B3GAT2: variants seen among roughly 807,000 people sequenced by gnomAD.
B3GAT2 encodes the protein beta-1,3-glucuronyltransferase 2.
A neutral mutation model predicts 27.8 loss-of-function variants in B3GAT2; 26 were observed. The ratio of observed to expected loss-of-function variants is 0.93; its 90% confidence interval spans 0.68 to 1.30. The LOEUF (loss-of-function observed/expected upper bound fraction) is 1.30. Ranked by LOEUF, B3GAT2 falls within the 50% of genes most tolerant of loss-of-function variation. The probability of loss-of-function intolerance (pLI) is 0.00; values close to 1 mark genes in which losing one functional copy is unlikely to be tolerated. For synonymous variants in B3GAT2, 218 were observed against 195.1 expected (o/e 1.12, Z -0.98); for missense variants, 458 against 459.0 (o/e 1.00, Z 0.02).
At position 70,956,733 on chromosome 6, in the gene B3GAT2, G is replaced by C. The variant is rs1215832901; in HGVS notation, c.-304C>G. ...GCCGCGCGCCGCCGGTCCCGGAGTT[G>C]TGCCGAGTGCGGGAAAGGCGCTGAT... On this transcript the variant is annotated 5_prime_UTR_variant, in exon 1 of 4. Coordinates refer to ENST00000230053, the MANE Select transcript of B3GAT2 (RefSeq NM_080742.3). The C allele has an allele frequency of 7.7e-7, 1 of 1,299,162 alleles. No homozygotes were observed. The highest frequency in any genetic ancestry group is 1.6e-5 in the African/African-American group (1 of 63,422). 80.5% of individuals were successfully genotyped at this position (1,299,162 alleles called of 1,614,324 possible).
intron 1 of B3GAT2, among the ~76,000 whole-genome samples, chr6:70,946,673 G>A (rs1010687730): frequency 7.2e-5 from 11 of 152,052 alleles, no homozygotes; most frequent in African/African-American, 1.7e-4. Context: ...ACAGATCAAC[G>A]AGACAGAAAG....
chr6:70,952,477 AAT>A (rs1229209183), intron 1 of B3GAT2, among the ~76,000 whole-genome samples: 1 of 151,990 alleles, frequency 6.6e-6, no homozygotes, highest in Non-Finnish European at 1.5e-5. Context: ...AAATCTGATC[AAT>A]AGTGTTATTG....
chr6:70,868,581 T>A (rs1771887884), intron 2 of B3GAT2, among the ~76,000 whole-genome samples: 1 of 152,180 alleles, frequency 6.6e-6, no homozygotes, highest in Non-Finnish European at 1.5e-5. Flanking sequence ...AACAAGACTT[T>A]TATAGTTTGG....
chr6:70,909,051 C>T (rs1046521933), intron 1 of B3GAT2, among the ~76,000 whole-genome samples: 11 of 152,222 alleles, frequency 7.2e-5, no homozygotes, highest in African/African-American at 2.6e-4. Flanking sequence ...GTTAACATGA[C>T]CAACCATTAC....
intron 1 of B3GAT2, among the ~76,000 whole-genome samples, chr6:70,904,093 T>G (rs1772556170): frequency 6.6e-6 from 1 of 152,324 alleles, no homozygotes; most frequent in Non-Finnish European, 1.5e-5. Context: ...CATAATACCA[T>G]GTACCAATTT....
Position 70,956,003 on chromosome 6 carries a change from G to A in B3GAT2, c.427C>T (p.Pro143Ser), listed in dbSNP as rs764968027. 1 of 1,463,938 alleles carries A rather than the reference G, an allele frequency of 6.8e-7. No individual in the cohort carries two copies. The highest frequency in any genetic ancestry group is 2.7e-5 in the East Asian group (1 of 36,434). The allele number at this position is 1,463,938 out of a possible 1,614,324, so 90.7% of individuals were successfully genotyped here. Residue 143 changes from proline (P) to serine (S), a missense_variant, in exon 1 of 4, where the codon CCC becomes TCC. Coordinates refer to ENST00000230053, the MANE Select transcript of B3GAT2 (RefSeq NM_080742.3). ...AGLPSTHLHV[P>S]TPRRYKRPGL... is the part of the protein sequence containing the mutation. ...GGCCGCTTGTAGCGCCGCGGCGTGG[G>A]CACGTGCAGGTGAGTGCTGGGCAGC...
intron 2 of B3GAT2, among the ~76,000 whole-genome samples, chr6:70,880,291 G>A (rs1772081517): frequency 6.6e-6 from 1 of 152,136 alleles, no homozygotes; most frequent in South Asian, 2.1e-4. Context: ...TGTCCTAGGT[G>A]CTCTGTCTGT....
chr6:70,881,787 G>A (rs1029397071), intron 2 of B3GAT2, among the ~76,000 whole-genome samples: 2 of 152,036 alleles, frequency 1.3e-5, no homozygotes, highest in African/African-American at 4.8e-5. Flanking sequence ...TGAGAATAGG[G>A]GTGTCCAGGG....
chr6:70,953,588 T>G (rs567292082), intron 1 of B3GAT2, among the ~76,000 whole-genome samples: 1 of 152,218 alleles, frequency 6.6e-6, no homozygotes, highest in East Asian at 1.9e-4. Flanking sequence ...CTCCAGGAGA[T>G]AGAAAACTTA....
At chr6:70,927,304 A>T (rs1273201351) in intron 1 of B3GAT2, among the ~76,000 whole-genome samples, 2 of 152,240 alleles carry the variant, frequency 1.3e-5, no homozygotes, top group Admixed American at 1.3e-4. Flanking sequence ...TCATGATGAC[A>T]GGATCAAATT....
chr6:70,939,666 T>C (rs1185711503), intron 1 of B3GAT2, among the ~76,000 whole-genome samples: 1 of 151,306 alleles, frequency 6.6e-6, no homozygotes, highest in African/African-American at 2.4e-5. Flanking sequence ...CAACACCGCA[T>C]GTTCTCACTC....
At position 70,859,497 on chromosome 6, in the gene B3GAT2, A is replaced by ATAAG. The variant is rs1169074978; in HGVS notation, c.*2162_*2165dup. On this transcript the variant is annotated 3_prime_UTR_variant, in exon 4 of 4. Coordinates refer to ENST00000230053, the MANE Select transcript of B3GAT2 (RefSeq NM_080742.3). ...TATGTTAGTGTCTTTGAAACTGTAA[A>ATAAG]TAAGTCAAGTCAAATGTATTAAATT... is the stretch of plus-strand genomic sequence containing the variant. 2.3e-6 allele frequency: 2 copies of ATAAG among 885,958 alleles called. No homozygotes were observed. The highest frequency in any genetic ancestry group is 3.4e-5 in the African/African-American group (2 of 59,280). 54.9% of individuals were successfully genotyped at this position (885,958 alleles called of 1,614,324 possible). A position where few individuals can be genotyped will look rare whatever the true frequency, so the allele number is the denominator to read the frequency against.
At chr6:70,937,115 T>G (rs1040960763) in intron 1 of B3GAT2, among the ~76,000 whole-genome samples, 1 of 152,162 alleles carries the variant, frequency 6.6e-6, no homozygotes, top group Non-Finnish European at 1.5e-5. Flanking sequence ...CAGAGAATAC[T>G]ATAAACACCT....
chr6:70,899,112 T>C (rs1772445671), intron 1 of B3GAT2, among the ~76,000 whole-genome samples: 1 of 152,004 alleles, frequency 6.6e-6, no homozygotes, highest in South Asian at 2.1e-4. Context: ...AGACAGGTAA[T>C]AAATGAACAG....
Position 70,859,450 on chromosome 6 carries a change from A to AAG in B3GAT2, c.*2212_*2213insCT. The AAG allele has an allele frequency of 1.5e-6, 2 of 1,328,434 alleles. No homozygotes were observed. The highest frequency in any genetic ancestry group is 2.1e-6 in the Non-Finnish European group (2 of 955,478). The allele number at this position is 1,328,434 out of a possible 1,614,324, so 82.3% of individuals were successfully genotyped here. A position where few individuals can be genotyped will look rare whatever the true frequency, so the allele number is the denominator to read the frequency against. ...ACGTGATCTGCTTCTTCAGACACTT[A>AAG]TGCCTGATTAGTGATGTAGTTTATG... On this transcript the variant is annotated 3_prime_UTR_variant, in exon 4 of 4. Coordinates refer to ENST00000230053, the MANE Select transcript of B3GAT2 (RefSeq NM_080742.3).
chr6:70,942,883 T>C lies in B3GAT2; in HGVS notation c.591+12956A>G, dbSNP rs558371049. ...GCAAATCTCTTAGATAACTGAAATC[T>C]CAGTTAATGGAGAATGGTCAGCATT... is the stretch of plus-strand genomic sequence containing the variant. On this transcript the variant is annotated intron_variant, in intron 1 of 3. Transcript: ENST00000230053. Among the ~76,000 whole-genome samples, 3 of 152,284 alleles carry C rather than the reference T, an allele frequency of 2.0e-5. No homozygotes were observed. The South Asian group carries it at 6.2e-4, about 32-fold the overall frequency.
rs1436117169 is a variant in B3GAT2, at chr6:70,956,319, G to A, written c.111C>T (p.Arg37=). 6 of 1,590,102 alleles carry A rather than the reference G, an allele frequency of 3.8e-6. No individual in the cohort carries two copies. The highest frequency in any genetic ancestry group is 1.3e-5 in the African/African-American group (1 of 74,578). Residue 37 remains arginine, a synonymous_variant, in exon 1 of 4, where the codon CGC becomes CGT. Transcript: ENST00000230053. ...CCACCGCGTAGGGAGAGAAGTAGGG[G>A]CGCGGGGTGAGCGGGGGCACTGGCC... The part of the protein sequence containing the change: ...TRRPVPPLTP[R]PYFSPYAVGR...
intron 1 of B3GAT2, among the ~76,000 whole-genome samples, chr6:70,897,029 A>C (rs1258354593): frequency 2.0e-5 from 3 of 152,226 alleles, no homozygotes; most frequent in Non-Finnish European, 4.4e-5. Context: ...TCTCATCAGC[A>C]GTGTAAGAGA....
intron 2 of B3GAT2, among the ~76,000 whole-genome samples, chr6:70,867,637 C>G (rs1316997701): frequency 1.3e-5 from 2 of 152,008 alleles, no homozygotes; most frequent in Non-Finnish European, 2.9e-5. Flanking sequence ...TGTGAAATAG[C>G]CCTGTATCAA....
Sources: allele counts gnomAD v4.1 joint callset (sites outside exome capture counted in the v4.1 genomes callset), GRCh38; gene constraint gnomAD v4.1.1; transcripts MANE v1.5; gene names NCBI Gene and HGNC (gene_info 2026-07-23, HGNC 2026-07-21).